Variants in PSD3 observed in about 807,000 individuals in gnomAD.
The protein encoded by PSD3 is pleckstrin and Sec7 domain containing 3.
A neutral mutation model predicts 105.5 loss-of-function variants in PSD3; 49 were observed. That is an observed-to-expected ratio of 0.46 (90% CI 0.37 to 0.59). The LOEUF is 0.59. Ranked by LOEUF, PSD3 falls within the 20% of genes least tolerant of loss-of-function variation. The pLI is 0.00. For synonymous variants in PSD3, 557 were observed against 457.8 expected, an observed-to-expected ratio of 1.22 and a Z score of -2.77; for missense variants, 1,561 against 1,263.8, an observed-to-expected ratio of 1.24 and a Z score of -3.57.
At chr8:18,623,305 T>C (rs995413341) in intron 11 of PSD3, among the ~76,000 whole-genome samples, 4 of 151,390 alleles carry the variant, frequency 2.6e-5, no homozygotes, top group Non-Finnish European at 4.4e-5. Flanking sequence ...AGATGTTCTA[T>C]TGAGTTTTAA....
At chr8:18,991,369 CACAT>C (rs1554562134) in intron 1 of PSD3, among the ~76,000 whole-genome samples, 59 of 52,974 alleles carry the variant, frequency 1.1e-3, no homozygotes, top group South Asian at 2.5e-3. Flanking sequence ...CACACACACA[CACAT>C]ACACACACAC....
chr8:18,586,134 A>G (rs1585309235), intron 12 of PSD3, among the ~76,000 whole-genome samples: 1 of 152,274 alleles, frequency 6.6e-6, no homozygotes, highest in African/African-American at 2.4e-5. Context: ...GGCGGCCACA[A>G]CCTTAAGAGG....
At chr8:18,608,600 C>T (rs1805034064) in intron 11 of PSD3, among the ~76,000 whole-genome samples, 1 of 152,118 alleles carries the variant, frequency 6.6e-6, no homozygotes, top group South Asian at 2.1e-4. Flanking sequence ...ATATAAAGTA[C>T]AGTGAATAAT....
chr8:19,037,012 T>G (rs1827964636), intron 1 of PSD3, among the ~76,000 whole-genome samples: 1 of 152,172 alleles, frequency 6.6e-6, no homozygotes, highest in African/African-American at 2.4e-5. Flanking sequence ...TAGCCCCTAC[T>G]CCCACCACTA....
At chr8:19,063,152 C>G (rs901328870) in intron 1 of PSD3, among the ~76,000 whole-genome samples, 4 of 152,186 alleles carry the variant, frequency 2.6e-5, no homozygotes, top group African/African-American at 7.2e-5. Flanking sequence ...TAAGACGCAC[C>G]TGTTCTCTGT....
intron 9 of PSD3, among the ~76,000 whole-genome samples, chr8:18,760,804 TC>T (rs1250907870): frequency 6.6e-6 from 1 of 152,098 alleles, no homozygotes; most frequent in Non-Finnish European, 1.5e-5. Context: ...GCTGACACAG[TC>T]AAGAGTCCAT....
intron 9 of PSD3, among the ~76,000 whole-genome samples, chr8:18,699,059 C>G (rs1341742644): frequency 1.3e-5 from 2 of 152,118 alleles, no homozygotes; most frequent in African/African-American, 4.8e-5. Context: ...TGTTTGTCCA[C>G]CTAAATCCCT....
At chr8:18,852,486 A>G (rs1815667312) in intron 4 of PSD3, among the ~76,000 whole-genome samples, 1 of 152,224 alleles carries the variant, frequency 6.6e-6, no homozygotes. Flanking sequence ...CATGCTGCCT[A>G]TGGGGTACAT....
intron 1 of PSD3, among the ~76,000 whole-genome samples, chr8:18,990,805 CCT>C (rs1287632900): frequency 2.6e-5 from 4 of 152,160 alleles, no homozygotes; most frequent in Non-Finnish European, 4.4e-5. Flanking sequence ...CTGTAATTCC[CCT>C]GATGATCACA....
intron 8 of PSD3, among the ~76,000 whole-genome samples, chr8:18,780,836 G>C (rs1341318929): frequency 6.6e-6 from 1 of 152,146 alleles, no homozygotes; most frequent in Non-Finnish European, 1.5e-5. Flanking sequence ...TTACAGGCGT[G>C]AGCCACCGCG....
At chr8:19,057,258 C>G (rs748165882) in intron 1 of PSD3, among the ~76,000 whole-genome samples, 4 of 152,190 alleles carry the variant, frequency 2.6e-5, no homozygotes, top group African/African-American at 2.4e-5. Context: ...TTCATAACCA[C>G]TCTCGTTCAC....
chr8:18,672,077 T>C (rs552695554), intron 9 of PSD3, among the ~76,000 whole-genome samples: 76 of 152,370 alleles, frequency 5.0e-4, no homozygotes, highest in African/African-American at 1.7e-3. Context: ...TGGAATGTAC[T>C]TGATGAAATT....
chr8:18,975,374 C>T (rs1824883342), intron 1 of PSD3, among the ~76,000 whole-genome samples: 1 of 146,456 alleles, frequency 6.8e-6, no homozygotes, highest in Non-Finnish European at 1.5e-5. Context: ...TAACTTACTA[C>T]TGATGTGATT....
chr8:18,891,137 A>C (rs1818758481), intron 2 of PSD3, among the ~76,000 whole-genome samples: 1 of 152,110 alleles, frequency 6.6e-6, no homozygotes, highest in South Asian at 2.1e-4. Context: ...AAACCTCCCT[A>C]CCAGGTAGAT....
At chr8:18,593,334 A>G (rs2130511776) in intron 12 of PSD3, among the ~76,000 whole-genome samples, 1 of 152,372 alleles carries the variant, frequency 6.6e-6, no homozygotes, top group East Asian at 1.9e-4. Context: ...GACACTTCTC[A>G]AAAGAAGACA....
At chr8:18,979,598 T>C (rs1232703353) in intron 1 of PSD3, 7 of 152,220 alleles carry the variant, frequency 4.6e-5, no homozygotes. Flanking sequence ...TAAATCATGC[T>C]CTTTAAAATA....
intron 12 of PSD3, among the ~76,000 whole-genome samples, chr8:18,588,645 C>A (rs1448237536): frequency 3.9e-5 from 6 of 152,198 alleles, no homozygotes; most frequent in African/African-American, 1.4e-4. Context: ...CCCAAATGCA[C>A]ATTTGCCACA....
intron 8 of PSD3, among the ~76,000 whole-genome samples, chr8:18,772,064 T>C (rs1056733230): frequency 2.6e-5 from 4 of 152,238 alleles, no homozygotes; most frequent in African/African-American, 9.6e-5. Context: ...AGGATTTCTT[T>C]CCTTTTTAAG....
chr8:18,857,201 G>A (rs1026962492), intron 4 of PSD3, among the ~76,000 whole-genome samples: 1 of 152,314 alleles, frequency 6.6e-6, no homozygotes, highest in Middle Eastern at 3.4e-3. Flanking sequence ...ACATCCCCCT[G>A]AGAACGGGGA....
Sources: gnomAD v4.1 joint callset for allele counts (sites outside exome capture counted in the v4.1 genomes callset) on GRCh38, gnomAD v4.1.1 for gene constraint, MANE v1.5 for transcripts, NCBI Gene and HGNC (gene_info 2026-07-23, HGNC 2026-07-21) for gene names.